Variants in NBEA observed in about 807,000 individuals in gnomAD.
NBEA encodes lysosomal-trafficking regulator 2.
In NBEA, 44 loss-of-function variants were observed where a neutral mutation model predicts 343.4. That is an observed-to-expected ratio of 0.13 (90% confidence interval 0.10 to 0.16). NBEA has a LOEUF of 0.16. Ranked by LOEUF, NBEA falls within the 10% of genes least tolerant of loss-of-function variation. NBEA has a pLI of 1.00. For missense variants in NBEA, 2,555 were observed against 3,631.3 expected (o/e 0.70, Z 7.62); for synonymous variants, 1,175 against 1,238.7 (o/e 0.95, Z 1.08).
intron 1 of NBEA, among the ~76,000 whole-genome samples, chr13:34,981,207 T>C (rs2060345332): frequency 6.6e-6 from 1 of 152,200 alleles, no homozygotes; most frequent in South Asian, 2.1e-4. Context: ...TGACTTAGTA[T>C]AACATTTTTG....
At chr13:35,630,234 T>C (rs1372820466) in intron 49 of NBEA, among the ~76,000 whole-genome samples, 1 of 152,212 alleles carries the variant, frequency 6.6e-6, no homozygotes, top group African/African-American at 2.4e-5. Flanking sequence ...AAATTTTCTT[T>C]ACATGGATAC....
intron 1 of NBEA, among the ~76,000 whole-genome samples, chr13:35,028,393 T>C (rs2062086640): frequency 6.6e-6 from 1 of 151,910 alleles, no homozygotes; most frequent in Non-Finnish European, 1.5e-5. Context: ...TAAATTTACA[T>C]AGACAATTAA....
At chr13:35,481,065 A>T (rs2076101449) in intron 41 of NBEA, among the ~76,000 whole-genome samples, 1 of 151,908 alleles carries the variant, frequency 6.6e-6, no homozygotes. Context: ...ATCGTGGTTA[A>T]TTTTTTAGAA....
intron 38 of NBEA, among the ~76,000 whole-genome samples, chr13:35,369,491 A>G (rs971331160): frequency 6.6e-6 from 1 of 151,904 alleles, no homozygotes; most frequent in African/African-American, 2.4e-5. Flanking sequence ...TGATGATATT[A>G]ACAATGTTAA....
intron 33 of NBEA, among the ~76,000 whole-genome samples, chr13:35,226,474 G>A (rs1014769897): frequency 3.9e-5 from 6 of 151,956 alleles, no homozygotes; most frequent in South Asian, 2.1e-4. Context: ...TTAAATATAC[G>A]AAATATTGTA....
intron 43 of NBEA, among the ~76,000 whole-genome samples, chr13:35,553,223 CA>C (rs1566310589): frequency 6.6e-6 from 1 of 152,102 alleles, no homozygotes; most frequent in African/African-American, 2.4e-5. Context: ...AAACTGAAAA[CA>C]AAAGGCAGCT....
At chr13:35,056,457 G>T (rs551105770) in intron 7 of NBEA, among the ~76,000 whole-genome samples, 11 of 152,140 alleles carry the variant, frequency 7.2e-5, no homozygotes, top group African/African-American at 2.6e-4. Context: ...ACCCTAAACA[G>T]AAGTATAACA....
chr13:35,310,627 A>C (rs550250385), intron 36 of NBEA, among the ~76,000 whole-genome samples: 2 of 152,334 alleles, frequency 1.3e-5, no homozygotes, highest in East Asian at 3.9e-4. Context: ...GACACATTAA[A>C]ACAGACGTAG....
intron 1 of NBEA, among the ~76,000 whole-genome samples, chr13:34,950,799 A>G (rs761275235): frequency 9.2e-5 from 14 of 152,158 alleles, no homozygotes; most frequent in Non-Finnish European, 1.9e-4. Flanking sequence ...GATTAAAAAG[A>G]AATGACCAGC....
At chr13:35,088,937 A>G (rs1344607536) in intron 10 of NBEA, among the ~76,000 whole-genome samples, 2 of 140,736 alleles carry the variant, frequency 1.4e-5, no homozygotes, top group Admixed American at 7.3e-5. Flanking sequence ...TAAATGTTAG[A>G]CCTAAAACCA....
At chr13:34,977,645 A>C (rs553056241) in intron 1 of NBEA, among the ~76,000 whole-genome samples, 2 of 152,266 alleles carry the variant, frequency 1.3e-5, no homozygotes, top group Middle Eastern at 6.8e-3. Flanking sequence ...AATAGATGCT[A>C]ACATTAATCT....
At chr13:35,642,282 TG>T (rs768835629) in intron 49 of NBEA, among the ~76,000 whole-genome samples, 1 of 152,222 alleles carries the variant, frequency 6.6e-6, no homozygotes, top group Non-Finnish European at 1.5e-5. Flanking sequence ...AAAATCATAA[TG>T]TGTCTTACAA....
chr13:35,179,841 T>C, intron 28 of NBEA: 2 of 945,562 alleles, frequency 2.1e-6, no homozygotes, highest in Non-Finnish European at 2.5e-6. Flanking sequence ...TTTTCCTTTG[T>C]AATAACTGCT....
chr13:35,489,514 T>A (rs1195842564), intron 41 of NBEA, among the ~76,000 whole-genome samples: 1 of 151,918 alleles, frequency 6.6e-6, no homozygotes, highest in Admixed American at 6.6e-5. Flanking sequence ...CCCTAAGAAT[T>A]CTCCAAATCA....
intron 17 of NBEA, among the ~76,000 whole-genome samples, chr13:35,133,035 TA>T (rs2067510266): frequency 6.6e-6 from 1 of 151,426 alleles, no homozygotes; most frequent in Non-Finnish European, 1.5e-5. Context: ...ACCATTAGAA[TA>T]AAAAGTACTT....
intron 18 of NBEA, among the ~76,000 whole-genome samples, chr13:35,152,104 G>T (rs1297942175): frequency 6.6e-6 from 1 of 152,058 alleles, no homozygotes; most frequent in South Asian, 2.1e-4. Context: ...ACATGTAGTG[G>T]TGACACAAGG....
chr13:35,511,704 C>T (rs940191177), intron 41 of NBEA, among the ~76,000 whole-genome samples: 4 of 152,062 alleles, frequency 2.6e-5, no homozygotes, highest in Non-Finnish European at 5.9e-5. Context: ...ATCATATTAC[C>T]TATGTTAATA....
At chr13:35,652,343 A>T (rs1219465459) in intron 53 of NBEA, among the ~76,000 whole-genome samples, 26 of 145,752 alleles carry the variant, frequency 1.8e-4, no homozygotes, top group East Asian at 6.0e-4. Flanking sequence ...TTAAATTTAA[A>T]AAAAAAAAAA....
At chr13:35,206,970 T>C (rs888784885) in intron 31 of NBEA, among the ~76,000 whole-genome samples, 2 of 151,974 alleles carry the variant, frequency 1.3e-5, no homozygotes, top group African/African-American at 4.8e-5. Context: ...ATTAGATAGA[T>C]AGTTGAGAAT....
Sources: allele counts gnomAD v4.1 joint callset (sites outside exome capture counted in the v4.1 genomes callset), GRCh38; gene constraint gnomAD v4.1.1; transcripts MANE v1.5; gene names NCBI Gene and HGNC (gene_info 2026-07-23, HGNC 2026-07-21).